HTR2C: variants seen among roughly 807,000 people sequenced by gnomAD.
HTR2C encodes 5-hydroxytryptamine receptor 2C, also known as 5-hydroxytryptamine (serotonin) receptor 2C, G protein-coupled.
HTR2C carries 5 observed loss-of-function variants against 21.0 expected under a neutral mutation model. The observed-to-expected ratio is 0.24, with a 90% CI of 0.12 to 0.50. HTR2C has a LOEUF of 0.50. Among genes scored for constraint, HTR2C ranks in the 20% least tolerant of loss-of-function variants. The pLI, the probability that HTR2C is intolerant of heterozygous loss-of-function variation, is 0.98. For synonymous variants in HTR2C, 150 were observed against 145.3 expected (o/e 1.03, Z -0.23); for missense variants, 271 against 371.2 (o/e 0.73, Z 2.22).
intron 5 of HTR2C, among the ~76,000 whole-genome samples, chrX:114,890,354 G>T (rs1047692552): frequency 9.0e-6 from 1 of 111,697 alleles, no homozygotes; most frequent in Admixed American, 9.5e-5. Flanking sequence ...ACAGAATGTT[G>T]TAATTTTTGC....
intron 4 of HTR2C, among the ~76,000 whole-genome samples, chrX:114,786,543 ATTAAGTGACAGAGGTAACCAC>A (rs2070175835): frequency 8.9e-6 from 1 of 111,919 alleles, no homozygotes. Flanking sequence ...AATCACAATA[ATTAAGTGACAGAGGTAACCAC>A]TTAATTGTGG....
intron 5 of HTR2C, among the ~76,000 whole-genome samples, chrX:114,903,623 C>A (rs1217725695): frequency 1.8e-5 from 2 of 112,236 alleles, no homozygotes; most frequent in Admixed American, 1.9e-4. Flanking sequence ...GCTCAAGAAT[C>A]CCTTAGACAA....
intron 5 of HTR2C, among the ~76,000 whole-genome samples, chrX:114,859,184 G>T (rs371473336): frequency 2.7e-5 from 3 of 110,841 alleles, no homozygotes; most frequent in African/African-American, 9.8e-5. Context: ...AAATGAGTTT[G>T]AAGCTGTCCC....
intron 2 of HTR2C, among the ~76,000 whole-genome samples, chrX:114,632,160 C>T (rs1296214363): frequency 8.9e-6 from 1 of 111,983 alleles, no homozygotes; most frequent in African/African-American, 3.2e-5. Flanking sequence ...TACTGTTTTA[C>T]GTGATAAAAT....
chrX:114,698,146 A>G (rs1207024440), intron 2 of HTR2C, among the ~76,000 whole-genome samples: 2 of 112,202 alleles, frequency 1.8e-5, no homozygotes, highest in Non-Finnish European at 3.8e-5. Context: ...TGCATGTAGA[A>G]GCTTTTTCAT....
intron 4 of HTR2C, among the ~76,000 whole-genome samples, chrX:114,798,362 G>C (rs2070314351): frequency 9.0e-6 from 1 of 110,732 alleles, no homozygotes; most frequent in South Asian, 3.8e-4. Context: ...AGGCACTTAG[G>C]GCTTCTCAAG....
At chrX:114,722,624 C>T (rs1318728762) in intron 2 of HTR2C, among the ~76,000 whole-genome samples, 4 of 106,376 alleles carry the variant, frequency 3.8e-5, no homozygotes, top group Non-Finnish European at 7.8e-5. Flanking sequence ...CAGTTTTTGC[C>T]CATTCAGTAT....
chrX:114,726,118 C>G (rs1556421894), intron 2 of HTR2C, among the ~76,000 whole-genome samples: 1 of 112,417 alleles, frequency 8.9e-6, no homozygotes, highest in Admixed American at 9.4e-5. Flanking sequence ...CCCAGCCTCA[C>G]TGCCACCTTG....
intron 2 of HTR2C, among the ~76,000 whole-genome samples, chrX:114,724,128 C>A (rs1556421302): frequency 1.9e-5 from 2 of 104,749 alleles, no homozygotes; most frequent in Non-Finnish European, 3.9e-5. Context: ...TTAAAGTCCT[C>A]CATTATTATT....
At chrX:114,653,987 T>C (rs782256014) in intron 2 of HTR2C, among the ~76,000 whole-genome samples, 12 of 110,600 alleles carry the variant, frequency 1.1e-4, no homozygotes, top group Admixed American at 5.8e-4. Context: ...CTTCAGCACT[T>C]ATTAGGTGTG....
At chrX:114,637,497 A>G (rs17095699) in intron 2 of HTR2C, among the ~76,000 whole-genome samples, 1,349 of 112,143 alleles carry the variant, frequency 0.012, 27 homozygotes, top group African/African-American at 0.041. Context: ...TATGTGTAAA[A>G]TAAAGACCAA....
intron 1 of HTR2C, among the ~76,000 whole-genome samples, chrX:114,592,893 A>G (rs900694746): frequency 1.8e-5 from 2 of 112,068 alleles, no homozygotes; most frequent in Non-Finnish European, 3.8e-5. Flanking sequence ...CTACCAAAGT[A>G]GCTGCTGAAT....
chrX:114,772,231 T>C (rs1556437110), intron 4 of HTR2C, among the ~76,000 whole-genome samples: 7 of 112,393 alleles, frequency 6.2e-5, no homozygotes. Context: ...TCTGTTCTCA[T>C]AAGTACTTCT....
intron 1 of HTR2C, among the ~76,000 whole-genome samples, chrX:114,607,255 T>C (rs1556397319): frequency 8.9e-6 from 1 of 112,032 alleles, no homozygotes; most frequent in Non-Finnish European, 1.9e-5. Context: ...TTTTAATTAA[T>C]ATCAACTGTG....
intron 1 of HTR2C, among the ~76,000 whole-genome samples, chrX:114,589,412 C>A (rs1927537206): frequency 9.0e-6 from 1 of 111,453 alleles, no homozygotes; most frequent in Non-Finnish European, 1.9e-5. Context: ...GATGACTGGA[C>A]AGGCAGATGT....
At chrX:114,723,139 T>A (rs1369773001) in intron 2 of HTR2C, among the ~76,000 whole-genome samples, 2 of 111,479 alleles carry the variant, frequency 1.8e-5, no homozygotes, top group African/African-American at 6.5e-5. Flanking sequence ...TGAATCCATC[T>A]GGTCCTGGAC....
intron 2 of HTR2C, among the ~76,000 whole-genome samples, chrX:114,726,186 C>G (rs1933465408): frequency 8.9e-6 from 1 of 112,611 alleles, no homozygotes; most frequent in African/African-American, 3.2e-5. Context: ...GCATAGGACC[C>G]TCGGAACCAG....
intron 4 of HTR2C, chrX:114,763,190 T>G (rs2069899440): frequency 8.0e-6 from 1 of 125,680 alleles, no homozygotes; most frequent in Non-Finnish European, 1.9e-5. Flanking sequence ...TTGCTCGGCA[T>G]CTGCTGAGTA....
At chrX:114,672,826 A>G (rs782309541) in intron 2 of HTR2C, among the ~76,000 whole-genome samples, 55 of 112,445 alleles carry the variant, frequency 4.9e-4, no homozygotes, top group Admixed American at 1.1e-3. Flanking sequence ...TTATGTTACA[A>G]TATGCTGTTC....
Sources: gnomAD v4.1 joint callset for allele counts (sites outside exome capture counted in the v4.1 genomes callset) on GRCh38, gnomAD v4.1.1 for gene constraint, MANE v1.5 for transcripts, NCBI Gene and HGNC (gene_info 2026-07-23, HGNC 2026-07-21) for gene names.